The following SPTLC2 variants were observed in gnomAD, a reference collection of about 807,000 sequenced individuals.
The protein encoded by SPTLC2 is serine palmitoyltransferase long chain base subunit 2.
A neutral mutation model predicts 62.0 loss-of-function variants in SPTLC2; 21 were observed. The ratio of observed to expected loss-of-function variants is 0.34; its 90% CI spans 0.24 to 0.49. The LOEUF (loss-of-function observed/expected upper bound fraction) is 0.49, where lower values mean the gene tolerates loss of function less well. SPTLC2 is among the 20% of genes least tolerant of loss of function. The pLI is 0.99. For missense variants in SPTLC2, 511 were observed against 713.0 expected (o/e 0.72, Z 3.23); for synonymous variants, 261 against 261.8 (o/e 1.00, Z 0.03).
intron 1 of SPTLC2, among the ~76,000 whole-genome samples, chr14:77,610,462 A>T (rs1218828882): frequency 1.3e-5 from 2 of 151,956 alleles, no homozygotes; most frequent in Non-Finnish European, 2.9e-5. Context: ...TTATTTTTTA[A>T]TTAAATAGAG....
intron 1 of SPTLC2, among the ~76,000 whole-genome samples, chr14:77,609,112 T>C (rs775341597): frequency 3.3e-5 from 5 of 151,800 alleles, no homozygotes; most frequent in Non-Finnish European, 5.9e-5. Context: ...TTGTATTCTG[T>C]TATTAGTGAC....
At chr14:77,539,334 ACT>A (rs1338710224) in intron 9 of SPTLC2, among the ~76,000 whole-genome samples, 2 of 151,966 alleles carry the variant, frequency 1.3e-5, no homozygotes, top group Non-Finnish European at 2.9e-5. Flanking sequence ...TTATTTTCTA[ACT>A]CTAAGGCCCA....
chr14:77,554,724 G>A, intron 8 of SPTLC2: 1 of 159,592 alleles, frequency 6.3e-6, no homozygotes, highest in East Asian at 1.8e-4. Context: ...CTGTCTTTAT[G>A]GTTCACCATT....
chr14:77,578,225 G>A (rs1280642732), intron 3 of SPTLC2, among the ~76,000 whole-genome samples: 5 of 151,906 alleles, frequency 3.3e-5, no homozygotes, highest in Non-Finnish European at 7.4e-5. Flanking sequence ...ATCCATGTAA[G>A]TAAAAACACT....
In SPTLC2 at chr14:77,534,216, A is replaced by ACACACACACACACG. The variant is rs1208421770; in HGVS notation, c.1304-12636_1304-12635insCGTGTGTGTGTGTG. ...CACACACACACACACACACACACACACACAAATGCATATCTATAAAAAGTC... is the reference window on the plus strand; with the variant it reads ...CACACACACACACACACACACACACACACACACACACACGCACAAATGCATATCTATAAAAAGTC... On this transcript the variant is annotated intron_variant, in intron 9 of 11. Transcript: ENST00000216484. Among the ~76,000 whole-genome samples the ACACACACACACACG allele has an allele frequency of 7.4e-4, 109 of 146,592 alleles. 2 individuals carry two copies. The highest frequency in any genetic ancestry group is 9.5e-4 in the Admixed American group (14 of 14,712).
chr14:77,604,182 A>C (rs182355581), intron 1 of SPTLC2, among the ~76,000 whole-genome samples: 44 of 152,328 alleles, frequency 2.9e-4, no homozygotes, highest in African/African-American at 1.0e-3. Flanking sequence ...GATGCAGCAC[A>C]GACACCTCTG....
At chr14:77,598,110 G>A (rs1306146273) in intron 1 of SPTLC2, among the ~76,000 whole-genome samples, 5 of 95,222 alleles carry the variant, frequency 5.3e-5, no homozygotes, top group African/African-American at 7.9e-5. Flanking sequence ...AAATAAGAGC[G>A]AAACCCCATC....
intron 9 of SPTLC2, among the ~76,000 whole-genome samples, chr14:77,543,616 A>G (rs910437109): frequency 1.8e-4 from 28 of 152,342 alleles, no homozygotes; most frequent in Middle Eastern, 3.4e-3. Flanking sequence ...TTTGAGGATT[A>G]ATAGGTTATA....
rs74063295 is a variant in SPTLC2, at chr14:77,554,431, C to T, written c.1176+869G>A. On this transcript the variant is annotated intron_variant, in intron 8 of 11. Transcript: ENST00000216484. ...TCACTTTCCATTTCCCTATCCCCTC[C>T]GCCTCCGGCAACTACTAATCTACTT... Among the ~76,000 whole-genome samples, 984 of 151,566 alleles carry T rather than the reference C, an allele frequency of 6.5e-3. 10 individuals carry two copies. Among genetic ancestry groups the T allele is most frequent in the African/African-American group, 0.022 (924 of 41,474 alleles).
Position 77,525,737 on chromosome 14 carries a change from C to T in SPTLC2, c.1304-4156G>A, listed in dbSNP as rs371679912. Among the ~76,000 whole-genome samples, 106 of 151,990 alleles carry T rather than the reference C, an allele frequency of 7.0e-4. 1 individual carries two copies. The highest frequency in any genetic ancestry group is 2.5e-3 in the African/African-American group (105 of 41,464). On this transcript the variant is annotated intron_variant, in intron 9 of 11. Transcript: ENST00000216484. ...CATCCTGGCTAACACGGTGAAACCCCGTCTCTACTAAAAATGCAAAAACAA... is the reference window on the plus strand; with the variant it reads ...CATCCTGGCTAACACGGTGAAACCCTGTCTCTACTAAAAATGCAAAAACAA...
At chr14:77,613,086 T>C (rs771677906) in intron 1 of SPTLC2, among the ~76,000 whole-genome samples, 1 of 152,222 alleles carries the variant, frequency 6.6e-6, no homozygotes, top group Non-Finnish European at 1.5e-5. Context: ...CAAACTACTA[T>C]ATTTCAGGTG....
At chr14:77,579,229 C>G in intron 2 of SPTLC2, 120 bp from the exon 3 acceptor site, 1 of 990,410 alleles carries the variant, frequency 1.0e-6, no homozygotes, top group Non-Finnish European at 1.5e-6. Context: ...AATTTCATTA[C>G]GTGCAAGATT....
intron 9 of SPTLC2, among the ~76,000 whole-genome samples, chr14:77,536,577 A>G (rs1217471939): frequency 1.3e-5 from 2 of 152,242 alleles, no homozygotes; most frequent in Non-Finnish European, 2.9e-5. Context: ...AGTATCCATT[A>G]GCAATACCCC....
intron 3 of SPTLC2, among the ~76,000 whole-genome samples, chr14:77,578,535 G>A (rs538030436): frequency 1.6e-4 from 24 of 152,090 alleles, no homozygotes; most frequent in South Asian, 1.2e-3. Context: ...TGGCCAACAT[G>A]GTGAAACCCC....
At chr14:77,610,958 A>ACTAG (rs759341245) in intron 1 of SPTLC2, among the ~76,000 whole-genome samples, 13 of 139,778 alleles carry the variant, frequency 9.3e-5, no homozygotes, top group Non-Finnish European at 4.6e-5. Context: ...TAAAAAAGAG[A>ACTAG]CTAGCCTGGG....
rs934685371 is a variant in SPTLC2 at position 77,509,491 on chromosome 14, T to G, written c.*2793A>C. 16 of 172,102 alleles carry G rather than the reference T, an allele frequency of 9.3e-5. No individual in the cohort carries two copies. The highest frequency in any genetic ancestry group is 3.8e-4 in the African/African-American group (16 of 42,420). The allele number at this position is 172,102 out of a possible 1,614,324, so 10.7% of individuals were successfully genotyped here. ...AATGAGAAAAAGTGCTAAGGACTAG[T>G]CACACCTCTATCAATCGACTCAGAT... is the stretch of plus-strand genomic sequence containing the variant. On this transcript the variant is annotated 3_prime_UTR_variant, in exon 12 of 12. Transcript: ENST00000216484.
At chr14:77,559,503 GT>G (rs1478602748) in intron 6 of SPTLC2, among the ~76,000 whole-genome samples, 1 of 152,120 alleles carries the variant, frequency 6.6e-6, no homozygotes, top group Non-Finnish European at 1.5e-5. Flanking sequence ...AGGGTATTGT[GT>G]AAAATCCGAA....
intron 2 of SPTLC2, among the ~76,000 whole-genome samples, chr14:77,596,651 C>T (rs34278364): frequency 0.16 from 25,038 of 152,144 alleles, 2,512 homozygotes; most frequent in East Asian, 0.43. Flanking sequence ...TGTTGTTTAC[C>T]GTAAATAGAA....
intron 1 of SPTLC2, among the ~76,000 whole-genome samples, chr14:77,601,062 T>TG (rs768928916): frequency 7.9e-5 from 12 of 152,112 alleles, no homozygotes; most frequent in Non-Finnish European, 1.6e-4. Flanking sequence ...AGGAGTAGGG[T>TG]GGGACAAGAT....
Sources: allele counts gnomAD v4.1 joint callset (sites outside exome capture counted in the v4.1 genomes callset), GRCh38; gene constraint gnomAD v4.1.1; transcripts MANE v1.5; gene names NCBI Gene and HGNC (gene_info 2026-07-23, HGNC 2026-07-21).